Variants in ABCC2 observed in about 807,000 individuals in gnomAD.
ABCC2 encodes ATP-binding cassette sub-family C member 2.
Under a neutral mutation model 173.4 loss-of-function variants are expected in ABCC2, and 157 were observed. The observed-to-expected ratio is 0.91, with a 90% confidence interval of 0.80 to 1.03. The LOEUF is 1.03. Ranked by LOEUF, ABCC2 falls within the 50% of genes least tolerant of loss-of-function variation. ABCC2 has a pLI of 0.00. For missense variants in ABCC2, 1,822 were observed against 1,852.3 expected, an observed-to-expected ratio of 0.98 and a Z score of 0.30; for synonymous variants, 657 against 693.5, an observed-to-expected ratio of 0.95 and a Z score of 0.83.
intron 14 of ABCC2, among the ~76,000 whole-genome samples, chr10:99,810,760 C>T (rs932598625): frequency 3.9e-5 from 6 of 152,180 alleles, no homozygotes; most frequent in African/African-American, 9.6e-5. Flanking sequence ...TGCGGTGGCT[C>T]ATGCCTGTAA....
intron 2 of ABCC2, among the ~76,000 whole-genome samples, chr10:99,790,457 T>C (rs576705935): frequency 7.4e-4 from 112 of 152,328 alleles, no homozygotes; most frequent in African/African-American, 2.5e-3. Context: ...TTTTTTGATA[T>C]GAACTGCTCA....
At position 99,845,763 on chromosome 10, in the gene ABCC2, A is replaced by T. The variant is rs1180167902; in HGVS notation, c.4127A>T (p.Lys1376Met). 1 of 1,612,408 alleles carries T rather than the reference A, an allele frequency of 6.2e-7. No individual in the cohort carries two copies. The highest frequency in any genetic ancestry group is 8.5e-7 in the Non-Finnish European group (1 of 1,179,670). Reference sequence around the variant, plus strand: ...ATTGGGCTCCACGACCTCCGAGAGAAGCTGACCATCATCCCCCAGGTGAGC... The same window carrying T: ...ATTGGGCTCCACGACCTCCGAGAGATGCTGACCATCATCCCCCAGGTGAGC... ...ASIGLHDLREKLTIIPQDPIL... is the reference protein window; with the variant it reads ...ASIGLHDLREMLTIIPQDPIL... Residue 1376 changes from lysine to methionine, a missense_variant, in exon 29 of 32, where the codon AAG becomes ATG. Lys to Met is a moderately conservative substitution (Grantham distance 95). Coordinates refer to ENST00000647814, the MANE Select transcript of ABCC2 (RefSeq NM_000392.5).
At chr10:99,848,110 G>C (rs1056696558) in intron 30 of ABCC2, among the ~76,000 whole-genome samples, 1 of 152,108 alleles carries the variant, frequency 6.6e-6, no homozygotes, top group African/African-American at 2.4e-5. Flanking sequence ...CTGGACATAG[G>C]GAGTTTTAAA....
At position 99,845,178 on chromosome 10, in the gene ABCC2, C is replaced by T. The variant is rs192644653; in HGVS notation, c.3988-446C>T. ...CCAAGTAGCTGGGACTACAGGTGCACGCCACCATGTCTGGCTAATTTTTTT... is the reference window on the plus strand; with the variant it reads ...CCAAGTAGCTGGGACTACAGGTGCATGCCACCATGTCTGGCTAATTTTTTT... On this transcript the variant is annotated intron_variant, in intron 28 of 31. Transcript: ENST00000647814. Among the ~76,000 whole-genome samples the T allele has an allele frequency of 7.6e-4, 116 of 152,086 alleles. 1 individual carries two copies. Among genetic ancestry groups the T allele is most frequent in the Middle Eastern group, 6.8e-3 (2 of 294 alleles).
intron 16 of ABCC2, among the ~76,000 whole-genome samples, chr10:99,814,444 T>TTGTGTGTATATACATATACACA (rs2038324295): frequency 1.0e-5 from 1 of 96,278 alleles, no homozygotes; most frequent in Non-Finnish European, 2.0e-5. Context: ...TATACACACA[T>TTGTGTGTATATACATATACACA]ATGTGTGTAT....
chr10:99,785,442 C>T (rs976629183), intron 2 of ABCC2, among the ~76,000 whole-genome samples: 3 of 152,130 alleles, frequency 2.0e-5, no homozygotes, highest in East Asian at 3.9e-4. Flanking sequence ...GACCCTCATT[C>T]GAGGTTGTAA....
chr10:99,807,101 C>A (rs1291506374), intron 11 of ABCC2, among the ~76,000 whole-genome samples: 1 of 152,254 alleles, frequency 6.6e-6, no homozygotes, highest in Non-Finnish European at 1.5e-5. Flanking sequence ...CTTTTTAAGT[C>A]TTAAGACTGG....
chr10:99,826,584 A>G (rs939676378), intron 19 of ABCC2, among the ~76,000 whole-genome samples: 2 of 147,880 alleles, frequency 1.4e-5, no homozygotes, highest in Non-Finnish European at 3.0e-5. Context: ...CTCATTTTGC[A>G]TTAATGCTTG....
intron 13 of ABCC2, 116 bp from the exon 14 acceptor site, chr10:99,810,018 T>C: frequency 1.1e-6 from 1 of 909,340 alleles, no homozygotes; most frequent in South Asian, 1.4e-5. Flanking sequence ...TCGGTGGAGA[T>C]TAGGAGATGC....
chr10:99,813,508 G>A (rs1348747338), intron 16 of ABCC2, among the ~76,000 whole-genome samples: 1 of 152,192 alleles, frequency 6.6e-6, no homozygotes, highest in East Asian at 1.9e-4. Context: ...CTGAGGTCAG[G>A]AGTTCGAGAC....
At chr10:99,798,541 T>C (rs1056675706) in intron 7 of ABCC2, among the ~76,000 whole-genome samples, 3 of 152,154 alleles carry the variant, frequency 2.0e-5, no homozygotes, top group Non-Finnish European at 4.4e-5. Context: ...CGCTGAAACC[T>C]GGAGGGGAAA....
At chr10:99,811,093 G>A (rs1350945055) in intron 14 of ABCC2, among the ~76,000 whole-genome samples, 1 of 152,062 alleles carries the variant, frequency 6.6e-6, no homozygotes, top group African/African-American at 2.4e-5. Context: ...CCCTTTGGGA[G>A]GCTGAGATGG....
chr10:99,820,323 A>G (rs2038511495), intron 19 of ABCC2, among the ~76,000 whole-genome samples: 1 of 152,160 alleles, frequency 6.6e-6, no homozygotes. Context: ...CCCAGGAGGC[A>G]GAGGTTGCGG....
intron 29 of ABCC2, 68 bp downstream of exon 29, chr10:99,845,850 C>A: frequency 6.6e-7 from 1 of 1,505,476 alleles, no homozygotes; most frequent in Non-Finnish European, 9.0e-7. Flanking sequence ...ACATATGCAG[C>A]TTCTTCTTGA....
chr10:99,814,596 CACACACATATGTGTATATACACATAT>C (rs1564685497), intron 16 of ABCC2, among the ~76,000 whole-genome samples: 809 of 29,336 alleles, frequency 0.028, 183 homozygotes, highest in African/African-American at 0.047. Context: ...TACACATATA[CACACACATATGTGTATATACACATAT>C]ACACACATAT....
intron 2 of ABCC2, chr10:99,788,916 C>G (rs1400159413): frequency 6.6e-6 from 1 of 152,564 alleles, no homozygotes; most frequent in African/African-American, 2.4e-5. Flanking sequence ...ATGCTGAGCC[C>G]TGAGTCATAT....
rs2038486631 is a variant in ABCC2, at chr10:99,819,270, G to A, written c.2620+1G>A. The A allele has an allele frequency of 1.2e-6, 2 of 1,612,986 alleles. No homozygotes were observed. The highest frequency in any genetic ancestry group is 8.5e-7 in the Non-Finnish European group (1 of 1,179,872). On this transcript the variant is annotated splice_donor_variant, in intron 19 of 31. Coordinates refer to ENST00000647814, the MANE Select transcript of ABCC2 (RefSeq NM_000392.5). LOFTEE classifies it high-confidence loss of function. ...ACAGGCCCTGAAGAGGAAGCCACAG[G>A]TATGTAAGAAGGATTGGGACAAGAT...
chr10:99,799,570 CCT>C (rs1466717888), intron 8 of ABCC2, among the ~76,000 whole-genome samples, 200 bp downstream of exon 8: 1 of 152,160 alleles, frequency 6.6e-6, no homozygotes, highest in Non-Finnish European at 1.5e-5. Flanking sequence ...TGTACTTTAG[CCT>C]CTCTCTTTTC....
intron 3 of ABCC2, 67 bp downstream of exon 3, chr10:99,792,426 C>A: frequency 1.3e-6 from 2 of 1,590,322 alleles, no homozygotes; most frequent in Middle Eastern, 1.7e-4. Context: ...GTGAAATGTA[C>A]TCTTTGGGGA....
Sources: gnomAD v4.1 joint callset for allele counts (sites outside exome capture counted in the v4.1 genomes callset) on GRCh38, gnomAD v4.1.1 for gene constraint, MANE v1.5 for transcripts, NCBI Gene and HGNC (gene_info 2026-07-23, HGNC 2026-07-21) for gene names.